Variants in AHRR observed in about 807,000 individuals in gnomAD.
AHRR encodes the protein ahR repressor.
A neutral mutation model predicts 44.0 loss-of-function variants in AHRR; 28 were observed. That is an observed-to-expected ratio of 0.64 (90% confidence interval 0.47 to 0.87). The LOEUF is 0.87. Among genes scored for constraint, AHRR ranks in the 40% least tolerant of loss-of-function variants. AHRR has a pLI of 0.00. For synonymous variants in AHRR, 434 were observed against 407.0 expected, an observed-to-expected ratio of 1.07 and a Z score of -0.80; for missense variants, 990 against 953.9, an observed-to-expected ratio of 1.04 and a Z score of -0.50.
chr5:394,956 G>A (rs1030429586), intron 4 of AHRR, among the ~76,000 whole-genome samples: 30 of 152,328 alleles, frequency 2.0e-4, no homozygotes, highest in African/African-American at 6.0e-4. Context: ...AAGCTCTTGC[G>A]TCTCCGGATC....
intron 3 of AHRR, among the ~76,000 whole-genome samples, chr5:373,964 G>C (rs1743677942): frequency 6.6e-6 from 1 of 151,546 alleles, no homozygotes; most frequent in South Asian, 2.1e-4. Context: ...GGGGGCACGC[G>C]ATGCCGGGAG....
chr5:411,939 C>T lies in AHRR; in HGVS notation c.352-1405C>T, dbSNP rs887371460. On this transcript the variant is annotated intron_variant, in intron 4 of 10. Transcript: ENST00000684583. This position sits in a 1 kb window ranked among gnomAD's most constrained non-coding sequence, Gnocchi z 4.2. Reference sequence around the variant, plus strand: ...CACCTGGTAGCCTGTGCTTGCTCAGCGTCAGTGGCCATTGCTGCCATGGAC... The same window carrying T: ...CACCTGGTAGCCTGTGCTTGCTCAGTGTCAGTGGCCATTGCTGCCATGGAC... Among the ~76,000 whole-genome samples the T allele has an allele frequency of 6.6e-6, 1 of 152,210 alleles. No homozygotes were observed. Among genetic ancestry groups the T allele is most frequent in the Non-Finnish European group, 1.5e-5 (1 of 68,034 alleles).
intron 1 of AHRR, among the ~76,000 whole-genome samples, chr5:323,465 G>A (rs1285694719): frequency 6.6e-6 from 1 of 152,228 alleles, no homozygotes; most frequent in Non-Finnish European, 1.5e-5. Context: ...GTGACCACCT[G>A]AACTCCGCGA....
Position 345,336 on chromosome 5 carries a change from A to ATG in AHRR, c.62+1388_62+1389dup, listed in dbSNP as rs148960070. On this transcript the variant is annotated intron_variant, in intron 2 of 10. Coordinates refer to ENST00000684583, the MANE Select transcript of AHRR (RefSeq NM_001377236.1). ...GATGTGTGTGTGTGTGTGTGTGGGG[A>ATG]TGTGTGTGTGTGTGTGTCGGATGAT... Among the ~76,000 whole-genome samples the ATG allele has an allele frequency of 9.5e-4, 28 of 29,512 alleles. 2 individuals carry two copies. The highest frequency in any genetic ancestry group is 1.2e-3 in the Non-Finnish European group (26 of 21,636). The allele number at this position is 29,512 out of a possible 152,430, so 19.4% of individuals were successfully genotyped here.
chr5:375,682 C>G (rs543473524), intron 3 of AHRR, among the ~76,000 whole-genome samples: 2 of 152,218 alleles, frequency 1.3e-5, no homozygotes, highest in African/African-American at 2.4e-5. Flanking sequence ...GATGCCCCCC[C>G]GGCCTTGCTG....
chr5:347,029 A>G lies in AHRR; in HGVS notation c.62+3065A>G, dbSNP rs150701074. Reference sequence around the variant, plus strand: ...CAAAGCACGGGCGTTTGTAATTTCAATAGTTGTTCCCAAACCTCCCAGCAT... The same window carrying G: ...CAAAGCACGGGCGTTTGTAATTTCAGTAGTTGTTCCCAAACCTCCCAGCAT... On this transcript the variant is annotated intron_variant, in intron 2 of 10. Transcript: ENST00000684583. Among the ~76,000 whole-genome samples the G allele has an allele frequency of 9.3e-3, 1,417 of 152,304 alleles. 20 individuals carry two copies. Among genetic ancestry groups the G allele is most frequent in the Middle Eastern group, 0.034 (10 of 294 alleles).
chr5:376,552 A>ATGAGAGCCGTGGGGC, intron 3 of AHRR, 58 bp from the exon 4 acceptor site: 1 of 1,409,246 alleles, frequency 7.1e-7, no homozygotes. Flanking sequence ...ATGTGAATGA[A>ATGAGAGCCGTGGGGC]GAAGAGTGGC....
chr5:327,769 CTATTT>C (rs992648580), intron 1 of AHRR, among the ~76,000 whole-genome samples: 2 of 152,012 alleles, frequency 1.3e-5, no homozygotes, highest in African/African-American at 2.4e-5. Context: ...AATAGCAGTT[CTATTT>C]TATTTTATTT....
chr5:372,452 C>T (rs776541832), intron 3 of AHRR, among the ~76,000 whole-genome samples: 8 of 152,206 alleles, frequency 5.3e-5, no homozygotes, highest in African/African-American at 7.2e-5. Context: ...CTCTTCTGCT[C>T]GCTTTGCCTG....
chr5:350,112 C>A (rs938914163), intron 2 of AHRR, among the ~76,000 whole-genome samples: 2 of 152,170 alleles, frequency 1.3e-5, no homozygotes, highest in African/African-American at 2.4e-5. Context: ...TTTGCATTTC[C>A]ATGTAAATTT....
In AHRR at chr5:343,457, G is replaced by A. The variant is rs530201871; in HGVS notation, c.-10-436G>A. On this transcript the variant is annotated intron_variant, in intron 1 of 10. Coordinates refer to ENST00000684583, the MANE Select transcript of AHRR (RefSeq NM_001377236.1). Reference sequence around the variant, plus strand: ...GGGTGACGGGAACACGGGACCCCGCGTACCTTCTCGGGGGTGACGGGAACA... The same window carrying A: ...GGGTGACGGGAACACGGGACCCCGCATACCTTCTCGGGGGTGACGGGAACA... 4.0e-4 allele frequency: 81 copies of A among 203,074 alleles called. No homozygotes were observed. The East Asian group carries it at 0.01, about 25-fold the overall frequency. The allele number at this position is 203,074 out of a possible 1,614,324, so 12.6% of individuals were successfully genotyped here.
intron 8 of AHRR, among the ~76,000 whole-genome samples, chr5:430,100 C>T (rs1455928420): frequency 1.3e-5 from 2 of 152,084 alleles, no homozygotes; most frequent in South Asian, 2.1e-4. Flanking sequence ...CTGTGGCAGG[C>T]GCGTTGGGGT....
At chr5:365,015 A>G (rs916404602) in intron 3 of AHRR, among the ~76,000 whole-genome samples, 1 of 152,142 alleles carries the variant, frequency 6.6e-6, no homozygotes, top group Non-Finnish European at 1.5e-5. Context: ...TGACAGAACT[A>G]TAAGGAAGAA....
intron 4 of AHRR, among the ~76,000 whole-genome samples, chr5:402,355 A>T (rs71597638): frequency 3.6e-4 from 42 of 115,650 alleles, no homozygotes; most frequent in African/African-American, 1.4e-3. Flanking sequence ...GCAGTCGTTG[A>T]TGAGGGTGTG....
Position 404,095 on chromosome 5 carries a change from G to T in AHRR, c.352-9249G>T. 1 of 609,632 alleles carries T rather than the reference G, an allele frequency of 1.6e-6. No homozygotes were observed. Among genetic ancestry groups the T allele is most frequent in the African/African-American group, 1.8e-5 (1 of 54,486 alleles). 37.8% of individuals were successfully genotyped at this position (609,632 alleles called of 1,614,324 possible). A position where few individuals can be genotyped will look rare whatever the true frequency, so the allele number is the denominator to read the frequency against. On this transcript the variant is annotated intron_variant, in intron 4 of 10. Coordinates refer to ENST00000684583, the MANE Select transcript of AHRR (RefSeq NM_001377236.1). The surrounding 1 kb of genome is among the most constrained non-coding windows in gnomAD (Gnocchi z 4.1). The stretch of plus-strand genomic sequence containing the variant: ...GTTTGAAGAAAAAGTCAGTTCCGTT[G>T]TCAGGGTTGGTCCAGGTTTGGGGTT...
chr5:413,988 G>C (rs2671896), intron 5 of AHRR, among the ~76,000 whole-genome samples: 3,188 of 152,336 alleles, frequency 0.021, 104 homozygotes, highest in African/African-American at 0.065. Flanking sequence ...CACCCAGCCG[G>C]GCGCGGTGGC....
At chr5:365,412 G>A (rs537622765) in intron 3 of AHRR, among the ~76,000 whole-genome samples, 3 of 152,160 alleles carry the variant, frequency 2.0e-5, no homozygotes, top group Non-Finnish European at 4.4e-5. Flanking sequence ...ATAGGTCAAA[G>A]AAGAAAAGAA....
intron 1 of AHRR, among the ~76,000 whole-genome samples, chr5:340,688 A>ATATATATATATATATATATATATATTTT (rs1269938749): frequency 7.7e-5 from 1 of 12,928 alleles, no homozygotes; most frequent in African/African-American, 4.0e-4. Flanking sequence ...ATATATATAT[A>ATATATATATATATATATATATATATTTT]TTTTTTTTTT....
intron 4 of AHRR, among the ~76,000 whole-genome samples, chr5:412,009 G>A (rs969705964): frequency 2.0e-5 from 3 of 152,156 alleles, no homozygotes; most frequent in South Asian, 2.1e-4. Context: ...CATCCTCACC[G>A]GTGATGGCCC....
Sources: allele counts gnomAD v4.1 joint callset (sites outside exome capture counted in the v4.1 genomes callset), GRCh38; gene constraint gnomAD v4.1.1; non-coding constraint Gnocchi (gnomAD v3.1); transcripts MANE v1.5; gene names NCBI Gene and HGNC (gene_info 2026-07-23, HGNC 2026-07-21).